PRKN: variants seen among roughly 807,000 people sequenced by gnomAD.
PRKN encodes E3 ubiquitin-protein ligase parkin.
A neutral mutation model predicts 59.5 loss-of-function variants in PRKN; 56 were observed. That is an observed-to-expected ratio of 0.94 (90% CI 0.76 to 1.18). The LOEUF (loss-of-function observed/expected upper bound fraction) is 1.18. PRKN is among the 50% of genes most tolerant of loss of function. The probability of loss-of-function intolerance (pLI) is 0.00; values close to 1 mark genes in which losing one functional copy is unlikely to be tolerated. For missense variants in PRKN, 657 were observed against 596.4 expected (o/e 1.10, Z -1.06); for synonymous variants, 250 against 222.1 (o/e 1.13, Z -1.12).
rs78288611 is a variant in PRKN at position 162,649,658 on chromosome 6, C to CA, written c.7+78003dup. On this transcript the variant is annotated intron_variant, in intron 1 of 11. Coordinates refer to ENST00000366898, the MANE Select transcript of PRKN (RefSeq NM_004562.3). The stretch of plus-strand genomic sequence containing the variant: ...TGGGCAACAGTGCAATACTCTGTCT[C>CA]AAAAAAAAAAAAGTATTAAACTTTT... Among the ~76,000 whole-genome samples the CA allele has an allele frequency of 4.1e-3, 586 of 142,118 alleles. 20 individuals are homozygous for CA. The East Asian group carries it at 0.066, about 16-fold the overall frequency. The allele number at this position is 142,118 out of a possible 152,430, so 93.2% of individuals were successfully genotyped here. A position where few individuals can be genotyped will look rare whatever the true frequency, so the allele number is the denominator to read the frequency against.
chr6:161,933,435 A>G (rs2128241365), intron 6 of PRKN, among the ~76,000 whole-genome samples: 1 of 152,352 alleles, frequency 6.6e-6, no homozygotes, highest in Non-Finnish European at 1.5e-5. Flanking sequence ...TTTTACAAAA[A>G]TATCCTGAAT....
At chr6:162,581,890 G>A (rs546916337) in intron 1 of PRKN, among the ~76,000 whole-genome samples, 70 of 152,264 alleles carry the variant, frequency 4.6e-4, no homozygotes, top group African/African-American at 1.6e-3. Flanking sequence ...TTATGAGAAG[G>A]CTGGTCAAAA....
At chr6:161,743,643 C>A (rs1788291901) in intron 7 of PRKN, among the ~76,000 whole-genome samples, 1 of 152,004 alleles carries the variant, frequency 6.6e-6, no homozygotes, top group African/African-American at 2.4e-5. Flanking sequence ...TTGCGTAAGT[C>A]CCTGCAAGGC....
intron 6 of PRKN, among the ~76,000 whole-genome samples, chr6:161,904,654 A>C (rs950903034): frequency 6.6e-6 from 1 of 152,090 alleles, no homozygotes; most frequent in Non-Finnish European, 1.5e-5. Context: ...GTGAGGTAAG[A>C]CCGCAGGGGG....
intron 2 of PRKN, among the ~76,000 whole-genome samples, chr6:162,395,396 C>T (rs1787424924): frequency 2.0e-5 from 3 of 152,220 alleles, no homozygotes; most frequent in Non-Finnish European, 4.4e-5. Context: ...CCTTGGCCAA[C>T]AGCCAGCATC....
Position 161,548,734 on chromosome 6 carries a change from G to A in PRKN, c.1083+120C>T. The A allele has an allele frequency of 1.1e-6, 1 of 921,896 alleles. No individual in the cohort carries two copies. The highest frequency in any genetic ancestry group is 1.7e-6 in the Non-Finnish European group (1 of 587,934). The allele number at this position is 921,896 out of a possible 1,614,324, so 57.1% of individuals were successfully genotyped here. The stretch of plus-strand genomic sequence containing the variant: ...TTAAAATCTATTTTCTTATATGTAA[G>A]TTCAAAGATGTCTAAGTCCAAAGGG... On this transcript the variant is annotated intron_variant, in intron 9 of 11. Transcript: ENST00000366898. The surrounding 1 kb of genome is among the most constrained non-coding windows in gnomAD (Gnocchi z 4.2).
rs1171548218 is a variant in PRKN, at chr6:162,531,057, CAAA to C, written c.8-87587_8-87585del. 6.4e-4 allele frequency among the ~76,000 whole-genome samples: 51 copies of C among 79,888 alleles called. 1 individual carries two copies. Among genetic ancestry groups the C allele is most frequent in the Admixed American group, 4.1e-3 (24 of 5,898 alleles). The allele number at this position is 79,888 out of a possible 152,430, so 52.4% of individuals were successfully genotyped here. The stretch of plus-strand genomic sequence containing the variant: ...GGGTAACAGAGCAAGACTCCATCTC[CAAA>C]AAAAAAAAAAAAAAAAAATGTACAG... On this transcript the variant is annotated intron_variant, in intron 1 of 11. Coordinates refer to ENST00000366898, the MANE Select transcript of PRKN (RefSeq NM_004562.3).
chr6:162,094,549 A>C (rs1256063758), intron 4 of PRKN, among the ~76,000 whole-genome samples: 3 of 152,148 alleles, frequency 2.0e-5, no homozygotes, highest in African/African-American at 4.8e-5. Context: ...AGGCAAGGCT[A>C]TGTTGGGAGG....
intron 7 of PRKN, among the ~76,000 whole-genome samples, chr6:161,733,605 C>T (rs979766940): frequency 6.6e-6 from 1 of 151,642 alleles, no homozygotes; most frequent in Admixed American, 6.6e-5. Context: ...GAATATAAGA[C>T]TCGAGGTAAT....
At chr6:162,626,139 C>A (rs1438501694) in intron 1 of PRKN, among the ~76,000 whole-genome samples, 3 of 152,162 alleles carry the variant, frequency 2.0e-5, no homozygotes, top group African/African-American at 7.2e-5. Flanking sequence ...TAAGTGCAAT[C>A]ATTGATTAGT....
chr6:162,702,985 C>A (rs1778211422), intron 1 of PRKN, among the ~76,000 whole-genome samples: 1 of 152,060 alleles, frequency 6.6e-6, no homozygotes, highest in Admixed American at 6.5e-5. Flanking sequence ...TTAAATGAAT[C>A]AATTTTTACT....
In PRKN at chr6:161,526,336, C is replaced by T. The variant is rs1333931608; in HGVS notation, c.1083+22518G>A. On this transcript the variant is annotated intron_variant, in intron 9 of 11. Transcript: ENST00000366898. This position sits in a 1 kb window ranked among gnomAD's most constrained non-coding sequence, Gnocchi z 4.1. The stretch of plus-strand genomic sequence containing the variant: ...ACACCTGTTCAACAGATTACAGTTG[C>T]TTATTGTATTGTACTTGAGTATTGA... Among the ~76,000 whole-genome samples, 1 of 152,172 alleles carries T rather than the reference C, an allele frequency of 6.6e-6. No homozygotes were observed. Among genetic ancestry groups the T allele is most frequent in the Admixed American group, 6.5e-5 (1 of 15,268 alleles).
chr6:162,713,742 T>C (rs1778625929), intron 1 of PRKN, among the ~76,000 whole-genome samples: 2 of 152,098 alleles, frequency 1.3e-5, no homozygotes, highest in African/African-American at 4.8e-5. Flanking sequence ...TATACTGTTT[T>C]GTAAAAGCAA....
In PRKN at chr6:161,562,023, C is replaced by T. The variant is rs1780473446; in HGVS notation, c.933+7332G>A. ...CTCAGTAGCATTCAACACAAATCAC[C>T]ATTCCTCCTCTGGAAGGCCCGCCTT... is the stretch of plus-strand genomic sequence containing the variant. On this transcript the variant is annotated intron_variant, in intron 8 of 11. Transcript: ENST00000366898. This position sits in a 1 kb window ranked among gnomAD's most constrained non-coding sequence, Gnocchi z 4.3. Among the ~76,000 whole-genome samples the T allele has an allele frequency of 6.6e-6, 1 of 152,180 alleles. No individual in the cohort carries two copies. Among genetic ancestry groups the T allele is most frequent in the African/African-American group, 2.4e-5 (1 of 41,444 alleles).
chr6:162,258,209 C>G (rs939995151), intron 3 of PRKN, among the ~76,000 whole-genome samples: 4 of 152,210 alleles, frequency 2.6e-5, no homozygotes, highest in African/African-American at 9.6e-5. Flanking sequence ...CGATAGAACA[C>G]ACACTTACTA....
At chr6:162,396,834 G>T (rs1316732105) in intron 2 of PRKN, among the ~76,000 whole-genome samples, 1 of 151,896 alleles carries the variant, frequency 6.6e-6, no homozygotes, top group African/African-American at 2.4e-5. Flanking sequence ...TCCTTTTTTG[G>T]TAAGAACAAC....
chr6:162,585,957 G>A (rs1333648905), intron 1 of PRKN, among the ~76,000 whole-genome samples: 2 of 151,864 alleles, frequency 1.3e-5, no homozygotes, highest in East Asian at 1.9e-4. Context: ...CACCCGCCTC[G>A]GCCTCCCAAA....
chr6:161,594,673 C>T (rs1356916205), intron 7 of PRKN, among the ~76,000 whole-genome samples: 1 of 152,128 alleles, frequency 6.6e-6, no homozygotes, highest in African/African-American at 2.4e-5. Flanking sequence ...AACACTTACA[C>T]AGTTAAAATA....
intron 2 of PRKN, among the ~76,000 whole-genome samples, chr6:162,349,094 G>T (rs1784520387): frequency 6.6e-6 from 1 of 152,166 alleles, no homozygotes; most frequent in African/African-American, 2.4e-5. Flanking sequence ...GACTGATTTT[G>T]TAAAAACCTT....
Sources: allele counts gnomAD v4.1 joint callset (sites outside exome capture counted in the v4.1 genomes callset), GRCh38; gene constraint gnomAD v4.1.1; non-coding constraint Gnocchi (gnomAD v3.1); transcripts MANE v1.5; gene names NCBI Gene and HGNC (gene_info 2026-07-23, HGNC 2026-07-21).